The following AVEN variants were observed in gnomAD, a reference collection of about 807,000 sequenced individuals.
AVEN encodes the protein cell death regulator Aven.
In AVEN, 41 loss-of-function variants were observed where a neutral mutation model predicts 38.1. The ratio of observed to expected loss-of-function variants is 1.08; its 90% CI spans 0.84 to 1.40. The LOEUF (loss-of-function observed/expected upper bound fraction) is 1.40. AVEN is among the 40% of genes most tolerant of loss of function. AVEN has a pLI of 0.00. For synonymous variants in AVEN, 206 were observed against 171.8 expected, an observed-to-expected ratio of 1.20 and a Z score of -1.56; for missense variants, 605 against 438.8, an observed-to-expected ratio of 1.38 and a Z score of -3.38.
chr15:33,861,319 T>TAGACTCTGTCTCTCCCATGTGTG (rs1435483300), downstream of AVEN: 1 of 581,364 alleles, frequency 1.7e-6, no homozygotes, highest in African/African-American at 1.9e-5. Flanking sequence ...CCTTTGTCCA[T>TAGACTCTGTCTCTCCCATGTGTG]AGACTCTGTC....
intron 2 of AVEN, among the ~76,000 whole-genome samples, chr15:33,978,720 C>T (rs746366395): frequency 2.0e-5 from 3 of 151,886 alleles, no homozygotes; most frequent in East Asian, 1.9e-4. Flanking sequence ...TGTACAAATT[C>T]GTCCCCAGGC....
intron 1 of AVEN, among the ~76,000 whole-genome samples, chr15:34,038,176 C>A (rs550990557): frequency 6.6e-6 from 1 of 152,320 alleles, no homozygotes; most frequent in South Asian, 2.1e-4. Flanking sequence ...TCTACACATA[C>A]AGGCATAATA....
intron 2 of AVEN, among the ~76,000 whole-genome samples, chr15:33,901,636 T>C (rs1482241654): frequency 6.6e-6 from 1 of 152,216 alleles, no homozygotes; most frequent in South Asian, 2.1e-4. Context: ...CCACCAACAG[T>C]GTGCCAGGGT....
chr15:33,859,808 TG>T (rs2080136669), intron 11 of AVEN: 1 of 1,435,090 alleles, frequency 7.0e-7, no homozygotes, highest in Non-Finnish European at 9.5e-7. Flanking sequence ...ATGACTTAAT[TG>T]GTTTATGAAG....
intron 2 of AVEN, among the ~76,000 whole-genome samples, chr15:33,902,158 C>CAAT (rs34811383): frequency 0.88 from 133,785 of 152,052 alleles, 60,418 homozygotes; most frequent in Non-Finnish European, 0.98. Context: ...TTTATTTCAA[C>CAAT]GTTTTATTGT....
chr15:33,857,788 G>C, downstream of AVEN: 2 of 1,613,994 alleles, frequency 1.2e-6, no homozygotes, highest in Middle Eastern at 1.6e-4. Context: ...AGTTGGTTCT[G>C]ACTGTCGGTC....
At chr15:33,993,620 T>A (rs57074162) in intron 2 of AVEN, among the ~76,000 whole-genome samples, 13,754 of 152,166 alleles carry the variant, frequency 0.09, 717 homozygotes, top group South Asian at 0.21. Flanking sequence ...AATAAAAAAT[T>A]GATAATACAT....
At chr15:33,861,582 C>T (rs1378856776), downstream of AVEN, among the ~76,000 whole-genome samples, 1 of 151,998 alleles carries the variant, frequency 6.6e-6, no homozygotes, top group Non-Finnish European at 1.5e-5. Flanking sequence ...TGAAAGCTGT[C>T]CATGCTCAGT....
At chr15:33,979,474 G>C (rs1896039990) in intron 2 of AVEN, among the ~76,000 whole-genome samples, 1 of 152,200 alleles carries the variant, frequency 6.6e-6, no homozygotes, top group African/African-American at 2.4e-5. Flanking sequence ...AACAAAGCAA[G>C]ACCCTGTCTC....
chr15:33,881,858 C>T (rs1567393869), intron 2 of AVEN, among the ~76,000 whole-genome samples: 1 of 152,190 alleles, frequency 6.6e-6, no homozygotes, highest in Non-Finnish European at 1.5e-5. Flanking sequence ...ATACTAAACA[C>T]ATGGTGGATC....
intron 2 of AVEN, among the ~76,000 whole-genome samples, chr15:33,888,139 TC>T (rs773694041): frequency 6.6e-6 from 1 of 152,164 alleles, no homozygotes; most frequent in Non-Finnish European, 1.5e-5. Context: ...CACAGAAAGA[TC>T]CTTGATTATT....
intron 2 of AVEN, among the ~76,000 whole-genome samples, chr15:33,925,281 T>C (rs1371913628): frequency 6.6e-6 from 1 of 152,194 alleles, no homozygotes; most frequent in African/African-American, 2.4e-5. Context: ...ATGTTAGCAT[T>C]AGATGGGGAG....
chr15:34,062,614 C>T (rs1416632384), intron 5 of AVEN: 9 of 986,802 alleles, frequency 9.1e-6, no homozygotes, highest in African/African-American at 3.3e-5. Flanking sequence ...TGCTGGTGTG[C>T]GAAGCTAATG....
chr15:33,902,257 C>A (rs1317012911), intron 2 of AVEN, among the ~76,000 whole-genome samples: 1 of 152,058 alleles, frequency 6.6e-6, no homozygotes, highest in Non-Finnish European at 1.5e-5. Flanking sequence ...GAGATTTATT[C>A]CTGGTATGCA....
At chr15:33,977,813 G>A (rs1318173413) in intron 2 of AVEN, among the ~76,000 whole-genome samples, 3 of 152,022 alleles carry the variant, frequency 2.0e-5, no homozygotes, top group Non-Finnish European at 4.4e-5. Flanking sequence ...TAGTTCACCC[G>A]TGTAATTCTA....
chr15:33,875,885 A>T (rs754556886), intron 3 of AVEN, 40 bp downstream of exon 3: 1 of 1,561,704 alleles, frequency 6.4e-7, no homozygotes, highest in Non-Finnish European at 8.8e-7. Flanking sequence ...TTCAGCCTTG[A>T]AGAAGAGCCA....
chr15:33,912,380 T>C (rs1409939958), intron 2 of AVEN, among the ~76,000 whole-genome samples: 1 of 152,222 alleles, frequency 6.6e-6, no homozygotes, highest in Non-Finnish European at 1.5e-5. Flanking sequence ...CATTTAAACA[T>C]GGAGACAAGT....
intron 1 of AVEN, among the ~76,000 whole-genome samples, chr15:34,070,853 C>G (rs919367165): frequency 1.3e-5 from 2 of 152,176 alleles, no homozygotes; most frequent in Non-Finnish European, 2.9e-5. Context: ...CCCCATCTCC[C>G]CTGATGAATT....
chr15:33,975,106 G>GT, intron 2 of AVEN, among the ~76,000 whole-genome samples: 1 of 152,250 alleles, frequency 6.6e-6, no homozygotes, highest in Admixed American at 6.5e-5. Flanking sequence ...CCCTGGTTGG[G>GT]TTGAGACAGA....
Sources: allele counts gnomAD v4.1 joint callset (sites outside exome capture counted in the v4.1 genomes callset), GRCh38; gene constraint gnomAD v4.1.1; transcripts MANE v1.5; gene names NCBI Gene and HGNC (gene_info 2026-07-23, HGNC 2026-07-21).